Variants in DISP3 observed in about 807,000 individuals in gnomAD.
The protein encoded by DISP3 is dispatched RND transporter family member 3.
Under a neutral mutation model 135.3 loss-of-function variants are expected in DISP3, and 101 were observed. The ratio of observed to expected loss-of-function variants is 0.75; its 90% CI spans 0.64 to 0.88. DISP3 has a LOEUF of 0.88. DISP3 is among the 40% of genes least tolerant of loss of function. The pLI is 0.00. For missense variants in DISP3, 1,713 were observed against 1,878.6 expected, an observed-to-expected ratio of 0.91 and a Z score of 1.63; for synonymous variants, 856 against 817.0, an observed-to-expected ratio of 1.05 and a Z score of -0.81.
intron 10 of DISP3, among the ~76,000 whole-genome samples, 188 bp from the exon 11 acceptor site, chr1:11,523,754 A>G (rs986494515): frequency 4.6e-5 from 7 of 152,140 alleles, no homozygotes; most frequent in Non-Finnish European, 4.4e-5. Flanking sequence ...TAAAATTCCT[A>G]TAAATTTGGT....
At position 11,519,823 on chromosome 1, in the gene DISP3, G is replaced by GTC. The variant is rs1319299145; in HGVS notation, c.2143_2144insTC (p.Glu715ValfsTer18). On this transcript the variant is annotated frameshift_variant, in exon 9 of 21. Coordinates refer to ENST00000294484, the MANE Select transcript of DISP3 (RefSeq NM_020780.2). LOFTEE classifies it high-confidence loss of function. The surrounding 1 kb of genome is among the most constrained non-coding windows in gnomAD (Gnocchi z 4.3). Reference sequence around the variant, plus strand: ...CGGCCATCTCATCGTGCAGCTGCAGGAGCTGCTGCACCACTGGGTCCTGTG... The same window carrying GTC: ...CGGCCATCTCATCGTGCAGCTGCAGGTCAGCTGCTGCACCACTGGGTCCTGTG... 1 of 1,612,628 alleles carries GTC rather than the reference G, an allele frequency of 6.2e-7. No homozygotes were observed. The highest frequency in any genetic ancestry group is 8.5e-7 in the Non-Finnish European group (1 of 1,179,946).
In DISP3 at chr1:11,536,713, C is replaced by T. The variant is rs1437633671; in HGVS notation, c.*27C>T. The T allele has an allele frequency of 2.0e-6, 3 of 1,498,076 alleles. No homozygotes were observed. Among genetic ancestry groups the T allele is most frequent in the South Asian group, 2.6e-5 (2 of 75,766 alleles). 92.8% of individuals were successfully genotyped at this position (1,498,076 alleles called of 1,614,324 possible). On this transcript the variant is annotated 3_prime_UTR_variant, in exon 21 of 21. Coordinates refer to ENST00000294484, the MANE Select transcript of DISP3 (RefSeq NM_020780.2). This position sits in a 1 kb window ranked among gnomAD's most constrained non-coding sequence, Gnocchi z 4.3. ...CCGGGACGGGCTCTGGACACTTGCA[C>T]CTTTGGTCCCATGGGTGGGGGACAG...
At chr1:11,503,025 C>A in intron 3 of DISP3, 128 bp downstream of exon 3, 1 of 828,816 alleles carries the variant, frequency 1.2e-6, no homozygotes, top group Non-Finnish European at 1.9e-6. Context: ...CAAATTGGGG[C>A]AGAACCAAGT....
At chr1:11,515,301 G>A in intron 4 of DISP3, 68 bp from the exon 5 acceptor site, 2 of 1,579,884 alleles carry the variant, frequency 1.3e-6, no homozygotes, top group Non-Finnish European at 1.7e-6. Context: ...TGAGGTCAGG[G>A]ACTCTAGTGG....
chr1:11,524,007 C>G lies in DISP3; in HGVS notation c.2428C>G (p.Arg810Gly). 1 of 1,613,074 alleles carries G rather than the reference C, an allele frequency of 6.2e-7. No homozygotes were observed. Among genetic ancestry groups the G allele is most frequent in the Middle Eastern group, 1.7e-4 (1 of 5,936 alleles). The change falls in exon 11 of 21, where the codon CGA becomes GGA. Residue 810 changes from arginine to glycine, a missense_variant. Physicochemically the swap from Arg to Gly is moderately radical, Grantham distance 125. Transcript: ENST00000294484. ...CCGGACGTCCCTGGAGAAGAAGAGGCGAGGCTCAGGGGTCCCCTGGGCTAG... is the reference window on the plus strand; with the variant it reads ...CCGGACGTCCCTGGAGAAGAAGAGGGGAGGCTCAGGGGTCCCCTGGGCTAG... Reference protein sequence around the residue: ...NIRTSLEKKRRGSGVPWASRP... With the variant: ...NIRTSLEKKRGGSGVPWASRP...
chr1:11,488,752 A>G (rs1199406964), intron 1 of DISP3, among the ~76,000 whole-genome samples: 2 of 152,194 alleles, frequency 1.3e-5, no homozygotes, highest in African/African-American at 4.8e-5. Flanking sequence ...ATTTTCAAAC[A>G]TGTAAGACTC....
In DISP3 at chr1:11,491,012, G is replaced by A. The variant is rs1197043008; in HGVS notation, c.-3-9978G>A. ...AAGAAGAGCTATTTGGCAGATCTGG[G>A]TGTGCTGTTTGTATCCCCCTGTCTG... On this transcript the variant is annotated intron_variant, in intron 1 of 20. Coordinates refer to ENST00000294484, the MANE Select transcript of DISP3 (RefSeq NM_020780.2). The surrounding 1 kb of genome is among the most constrained non-coding windows in gnomAD (Gnocchi z 4.3). Among the ~76,000 whole-genome samples the A allele has an allele frequency of 6.6e-6, 1 of 152,158 alleles. No individual in the cohort carries two copies. Among genetic ancestry groups the A allele is most frequent in the Non-Finnish European group, 1.5e-5 (1 of 68,030 alleles).
chr1:11,529,728 C>G lies in DISP3; in HGVS notation c.2929+42C>G, dbSNP rs1557621358. 3.1e-6 allele frequency: 5 copies of G among 1,600,306 alleles called. No individual in the cohort carries two copies. The highest frequency in any genetic ancestry group is 4.3e-6 in the Non-Finnish European group (5 of 1,169,772). ...CAGGTGGGGACCTCAAGAGCTGAGA[C>G]CTCGGGGCTCAGGAGCTGGACCCTG... On this transcript the variant is annotated intron_variant, in intron 14 of 20. Coordinates refer to ENST00000294484, the MANE Select transcript of DISP3 (RefSeq NM_020780.2). The surrounding 1 kb of genome is among the most constrained non-coding windows in gnomAD (Gnocchi z 4.7).
chr1:11,510,922 G>C (rs1174940017), intron 3 of DISP3, among the ~76,000 whole-genome samples: 1 of 152,182 alleles, frequency 6.6e-6, no homozygotes, highest in Non-Finnish European at 1.5e-5. Context: ...CATGGCAGGA[G>C]GCAAAAGGCA....
Position 11,536,512 on chromosome 1 carries a change from C to T in DISP3, c.4005C>T (p.Thr1335=), listed in dbSNP as rs368489263. ...NTGVSILYTL[T]VSTALLGIMA... ...GCGTGTCCATCCTCTACACGCTGAC[C>T]GTCAGCACCGCCCTGCTGGGCATCA... is the stretch of plus-strand genomic sequence containing the variant. The change falls in exon 21 of 21, where the codon ACC becomes ACT. Residue 1335 remains threonine, a synonymous_variant. Transcript: ENST00000294484. The surrounding 1 kb of genome is among the most constrained non-coding windows in gnomAD (Gnocchi z 4.3). The T allele has an allele frequency of 5.1e-5, 82 of 1,613,300 alleles. No individual in the cohort carries two copies. The South Asian group carries it at 6.7e-4, about 13-fold the overall frequency.
intron 1 of DISP3, among the ~76,000 whole-genome samples, chr1:11,494,489 C>G (rs1415858057): frequency 1.3e-5 from 2 of 152,212 alleles, no homozygotes; most frequent in Non-Finnish European, 2.9e-5. Flanking sequence ...TGGCACATAG[C>G]CAGGACATCC....
chr1:11,492,150 TA>T (rs1340508255), intron 1 of DISP3, among the ~76,000 whole-genome samples: 46 of 144,372 alleles, frequency 3.2e-4, no homozygotes, highest in African/African-American at 1.1e-3. Context: ...AAAAAGAAGT[TA>T]ATAATCGTAC....
chr1:11,527,611 T>C (rs1048464511), intron 13 of DISP3, among the ~76,000 whole-genome samples: 3 of 151,558 alleles, frequency 2.0e-5, no homozygotes, highest in Admixed American at 6.6e-5. Context: ...CAGATGGGTC[T>C]CTGCCCAGGG....
rs1488383426 is a variant in DISP3, at chr1:11,531,359, T to G, written c.3230-206T>G. On this transcript the variant is annotated intron_variant, in intron 16 of 20. Transcript: ENST00000294484. The surrounding 1 kb of genome is among the most constrained non-coding windows in gnomAD (Gnocchi z 5.2). ...GGCCCCACAGCCAATGTGGATGAGG[T>G]CACCACCGGGGTGTCCCTGGGAGGG... 1.3e-5 allele frequency among the ~76,000 whole-genome samples: 2 copies of G among 151,982 alleles called. No individual in the cohort carries two copies. Among genetic ancestry groups the G allele is most frequent in the African/African-American group, 2.4e-5 (1 of 41,374 alleles).
Position 11,499,636 on chromosome 1 carries a change from A to G in DISP3, c.-3-1354A>G, listed in dbSNP as rs1641444029. On this transcript the variant is annotated intron_variant, in intron 1 of 20. Coordinates refer to ENST00000294484, the MANE Select transcript of DISP3 (RefSeq NM_020780.2). This position sits in a 1 kb window ranked among gnomAD's most constrained non-coding sequence, Gnocchi z 5.2. ...GCTGCGCACCCCTCCTCTCCCCCAC[A>G]TCCTCAGTCATTCTTCCTTTCTGTT... Among the ~76,000 whole-genome samples the G allele has an allele frequency of 6.6e-6, 1 of 151,672 alleles. No homozygotes were observed. Among genetic ancestry groups the G allele is most frequent in the African/African-American group, 2.4e-5 (1 of 41,268 alleles).
intron 7 of DISP3, 96 bp downstream of exon 7, chr1:11,517,698 A>G: frequency 6.8e-7 from 1 of 1,460,520 alleles, no homozygotes; most frequent in Non-Finnish European, 9.3e-7. Context: ...AGCCTTCTGT[A>G]TGACCAGTCC....
Position 11,514,651 on chromosome 1 carries a change from A to G in DISP3, c.1453+125A>G. On this transcript the variant is annotated intron_variant, in intron 4 of 20. Coordinates refer to ENST00000294484, the MANE Select transcript of DISP3 (RefSeq NM_020780.2). ...GCATGTCAGAGCTGGGGACACAGGG[A>G]TATGCACACAAATCATCTTCCAACC... The G allele has an allele frequency of 6.2e-6, 8 of 1,288,346 alleles. No homozygotes were observed. In the South Asian group the frequency reaches 1.1e-4, roughly 18 times the overall value. The allele number at this position is 1,288,346 out of a possible 1,614,324, so 79.8% of individuals were successfully genotyped here.
In DISP3 at chr1:11,521,340, G is replaced by A. The variant is rs1383323396; in HGVS notation, c.2362+492G>A. 3.9e-5 allele frequency among the ~76,000 whole-genome samples: 5 copies of A among 126,970 alleles called. No homozygotes were observed. In the South Asian group the frequency reaches 1.5e-3, roughly 38 times the overall value. 83.3% of individuals were successfully genotyped at this position (126,970 alleles called of 152,430 possible). A position where few individuals can be genotyped will look rare whatever the true frequency, so the allele number is the denominator to read the frequency against. ...AACCAGGCTGGGAGGAGAAAGGAGG[G>A]AAGAGGAGGGGTTAGCCAGGTGAGG... On this transcript the variant is annotated intron_variant, in intron 10 of 20. Transcript: ENST00000294484.
intron 1 of DISP3, among the ~76,000 whole-genome samples, chr1:11,482,964 C>T (rs1424679107): frequency 2.0e-5 from 3 of 152,224 alleles, no homozygotes; most frequent in Non-Finnish European, 4.4e-5. Context: ...AGAGCAGTGT[C>T]GGCCCAAAAT....
Sources: allele counts gnomAD v4.1 joint callset (sites outside exome capture counted in the v4.1 genomes callset), GRCh38; gene constraint gnomAD v4.1.1; non-coding constraint Gnocchi (gnomAD v3.1); transcripts MANE v1.5; gene names NCBI Gene and HGNC (gene_info 2026-07-23, HGNC 2026-07-21).